The following RFX3 variants were observed in gnomAD, a reference collection of about 807,000 sequenced individuals.
RFX3 encodes the protein regulatory factor X3.
RFX3 carries 14 observed loss-of-function variants against 98.6 expected under a neutral mutation model. The observed-to-expected ratio is 0.14, with a 90% CI of 0.09 to 0.22. The LOEUF (loss-of-function observed/expected upper bound fraction) is 0.22. Ranked by LOEUF, RFX3 falls within the 10% of genes least tolerant of loss-of-function variation. The probability of loss-of-function intolerance (pLI) is 1.00; values close to 1 mark genes in which losing one functional copy is unlikely to be tolerated. For synonymous variants in RFX3, 383 were observed against 328.4 expected (o/e 1.17, Z -1.80); for missense variants, 639 against 926.9 (o/e 0.69, Z 4.03).
intron 1 of RFX3, among the ~76,000 whole-genome samples, chr9:3,442,124 C>T (rs1009328505): frequency 4.6e-5 from 7 of 152,084 alleles, no homozygotes; most frequent in Non-Finnish European, 1.0e-4. Flanking sequence ...CGCTTGAACC[C>T]GGGAGACAGA....
At chr9:3,445,232 AAAGT>A (rs1215619496) in intron 1 of RFX3, among the ~76,000 whole-genome samples, 4 of 152,172 alleles carry the variant, frequency 2.6e-5, no homozygotes, top group African/African-American at 7.2e-5. Context: ...TATTTTTCAT[AAAGT>A]AAGTTATTAT....
At position 3,505,241 on chromosome 9, in the gene RFX3, T is replaced by C. The variant is rs1043951237; in HGVS notation, c.-9+20506A>G. On this transcript the variant is annotated intron_variant, in intron 1 of 16. Coordinates refer to ENST00000617270, the MANE Select transcript of RFX3 (RefSeq NM_001282116.2). ...ATATATTTATATATGAATATATATT[T>C]ATATATATATGAATATATATTTATA... Among the ~76,000 whole-genome samples, 4 of 97,524 alleles carry C rather than the reference T, an allele frequency of 4.1e-5. 1 individual carries two copies. The highest frequency in any genetic ancestry group is 3.1e-4 in the Admixed American group (2 of 6,414). 64.0% of individuals were successfully genotyped at this position (97,524 alleles called of 152,430 possible).
At chr9:3,303,113 CAT>C (rs1287455283) in intron 4 of RFX3, among the ~76,000 whole-genome samples, 11 of 151,770 alleles carry the variant, frequency 7.2e-5, no homozygotes, top group African/African-American at 2.7e-4. Context: ...CTTCTAGAAA[CAT>C]AGGCTTCTAC....
intron 1 of RFX3, among the ~76,000 whole-genome samples, chr9:3,513,350 T>C (rs1450995401): frequency 6.6e-6 from 1 of 152,128 alleles, no homozygotes; most frequent in African/African-American, 2.4e-5. Flanking sequence ...TGATATTTCT[T>C]TTTCTCTACA....
At chr9:3,301,984 C>T (rs1370805231) in intron 4 of RFX3, among the ~76,000 whole-genome samples, 1 of 151,794 alleles carries the variant, frequency 6.6e-6, no homozygotes. Flanking sequence ...CGTCTCCCAC[C>T]TAAAGAGTAT....
At chr9:3,381,789 G>C (rs1195556975) in intron 2 of RFX3, among the ~76,000 whole-genome samples, 1 of 152,048 alleles carries the variant, frequency 6.6e-6, no homozygotes, top group African/African-American at 2.4e-5. Context: ...ATAATAAAGG[G>C]AGACAGAGAA....
At chr9:3,369,828 T>TTTGG (rs1837601959) in intron 2 of RFX3, among the ~76,000 whole-genome samples, 1 of 151,956 alleles carries the variant, frequency 6.6e-6, no homozygotes, top group Admixed American at 6.6e-5. Context: ...TTTGTTTTTG[T>TTTGG]TTTGTTTGTT....
chr9:3,235,867 C>A (rs774539742), intron 15 of RFX3, among the ~76,000 whole-genome samples: 1 of 152,100 alleles, frequency 6.6e-6, no homozygotes, highest in Non-Finnish European at 1.5e-5. Context: ...CAATTAGCAA[C>A]CTTAGTTCCA....
At chr9:3,461,573 A>G (rs1050593783) in intron 1 of RFX3, among the ~76,000 whole-genome samples, 2 of 152,040 alleles carry the variant, frequency 1.3e-5, no homozygotes, top group African/African-American at 4.8e-5. Flanking sequence ...ATTATGCTAG[A>G]AAAAGAATTT....
chr9:3,358,188 G>T (rs1232913529), intron 2 of RFX3, among the ~76,000 whole-genome samples: 1 of 152,064 alleles, frequency 6.6e-6, no homozygotes, highest in Non-Finnish European at 1.5e-5. Flanking sequence ...GTTACTGTGA[G>T]GATCCAAAGC....
chr9:3,277,242 T>C, intron 8 of RFX3, 98 bp downstream of exon 8: 1 of 1,298,500 alleles, frequency 7.7e-7, no homozygotes, highest in Non-Finnish European at 1.1e-6. Context: ...AAAAAATCTT[T>C]CTATGTCATT....
chr9:3,424,722 T>C (rs914574152), intron 1 of RFX3, among the ~76,000 whole-genome samples: 2 of 152,240 alleles, frequency 1.3e-5, no homozygotes, highest in East Asian at 1.9e-4. Context: ...AATACAGAAA[T>C]GGCAAATACA....
At chr9:3,397,032 C>T (rs920820097) in intron 1 of RFX3, among the ~76,000 whole-genome samples, 1 of 152,084 alleles carries the variant, frequency 6.6e-6, no homozygotes, top group African/African-American at 2.4e-5. Flanking sequence ...GCCCCAAATC[C>T]ATAACATTTA....
intron 3 of RFX3, among the ~76,000 whole-genome samples, chr9:3,338,455 G>A (rs909825157): frequency 5.3e-5 from 8 of 152,190 alleles, no homozygotes; most frequent in Admixed American, 5.2e-4. Context: ...CAGCATACTG[G>A]AATCATTTAT....
intron 1 of RFX3, among the ~76,000 whole-genome samples, chr9:3,409,316 A>G (rs1202772736): frequency 6.6e-6 from 1 of 152,244 alleles, no homozygotes; most frequent in African/African-American, 2.4e-5. Flanking sequence ...TTGTTAACCA[A>G]TTGAATTGGA....
chr9:3,302,385 T>C lies in RFX3; in HGVS notation c.475-765A>G, dbSNP rs371834702. On this transcript the variant is annotated intron_variant, in intron 4 of 16. Transcript: ENST00000617270. ...TTATTAATTAAGTACCAGGTGTTAG[T>C]GATAAATGTGATACACTCTTAATAA... is the stretch of plus-strand genomic sequence containing the variant. 1.8e-4 allele frequency among the ~76,000 whole-genome samples: 28 copies of C among 151,900 alleles called. No individual in the cohort carries two copies. The East Asian group carries it at 3.5e-3, about 19-fold the overall frequency.
At chr9:3,446,134 T>C (rs1846029079) in intron 1 of RFX3, among the ~76,000 whole-genome samples, 1 of 152,072 alleles carries the variant, frequency 6.6e-6, no homozygotes, top group African/African-American at 2.4e-5. Context: ...ATTGACTGAA[T>C]GGATAGATGA....
chr9:3,313,564 C>G (rs2130539683), intron 4 of RFX3, among the ~76,000 whole-genome samples: 1 of 152,282 alleles, frequency 6.6e-6, no homozygotes, highest in East Asian at 1.9e-4. Context: ...TCGGCAATAA[C>G]AAACTTCTCT....
In RFX3 at chr9:3,345,758, C is replaced by G. The variant is rs3780186; in HGVS notation, c.215+909G>C. Among the ~76,000 whole-genome samples the G allele has an allele frequency of 4.3e-3, 662 of 152,230 alleles. 13 individuals are homozygous for G. In the East Asian group the frequency reaches 0.065, roughly 15 times the overall value. Reference sequence around the variant, plus strand: ...GATAACAACAACTGAACTCACATGTCATGCACACTTCTGGTGTTGAGTTAT... The same window carrying G: ...GATAACAACAACTGAACTCACATGTGATGCACACTTCTGGTGTTGAGTTAT... On this transcript the variant is annotated intron_variant, in intron 3 of 16. Transcript: ENST00000617270.
Sources: gnomAD v4.1 joint callset for allele counts (sites outside exome capture counted in the v4.1 genomes callset) on GRCh38, gnomAD v4.1.1 for gene constraint, MANE v1.5 for transcripts, NCBI Gene and HGNC (gene_info 2026-07-23, HGNC 2026-07-21) for gene names.